TCF20: variants seen among roughly 807,000 people sequenced by gnomAD.
TCF20 encodes the protein transcription factor 20, also known as SPRE-binding protein.
In TCF20, 3 loss-of-function variants were observed where a neutral mutation model predicts 148.6. The ratio of observed to expected loss-of-function variants is 0.02; its 90% CI spans 0.01 to 0.05. TCF20 has a LOEUF of 0.05. TCF20 is among the 10% of genes least tolerant of loss of function. The probability of loss-of-function intolerance (pLI) is 1.00; values close to 1 mark genes in which losing one functional copy is unlikely to be tolerated. For missense variants in TCF20, 2,350 were observed against 2,429.3 expected (o/e 0.97, Z 0.69); for synonymous variants, 1,049 against 909.5 (o/e 1.15, Z -2.76).
At chr22:42,186,315 G>A (rs1447977123) in intron 2 of TCF20, among the ~76,000 whole-genome samples, 1 of 152,302 alleles carries the variant, frequency 6.6e-6, no homozygotes, top group East Asian at 1.9e-4. Flanking sequence ...TCTGTAAAAT[G>A]GGGATAACAG....
At chr22:42,170,512 A>T (rs962308481) in intron 3 of TCF20, among the ~76,000 whole-genome samples, 1 of 150,850 alleles carries the variant, frequency 6.6e-6, no homozygotes, top group Non-Finnish European at 1.5e-5. Flanking sequence ...AAAAAAAAAA[A>T]AACTACTTGG....
At position 42,248,183 on chromosome 22, in the gene TCF20, G is replaced by A. The variant is rs527512790; in HGVS notation, c.-37+22156C>T. 5.9e-5 allele frequency among the ~76,000 whole-genome samples: 9 copies of A among 152,330 alleles called. No homozygotes were observed. The South Asian group carries it at 6.2e-4, about 11-fold the overall frequency. On this transcript the variant is annotated intron_variant, in intron 1 of 5. Coordinates refer to ENST00000677622, the MANE Select transcript of TCF20 (RefSeq NM_001378418.1). ...GGAGAGAGCACGTACTCATGTGGGCGCTGCCTGGGCTCAGGTGGGCAGGGA... is the reference window on the plus strand; with the variant it reads ...GGAGAGAGCACGTACTCATGTGGGCACTGCCTGGGCTCAGGTGGGCAGGGA...
intron 1 of TCF20, among the ~76,000 whole-genome samples, chr22:42,237,538 T>C (rs1317665720): frequency 6.6e-6 from 1 of 152,206 alleles, no homozygotes; most frequent in Admixed American, 6.5e-5. Context: ...TCACAAATGT[T>C]CTTAATGGCA....
intron 1 of TCF20, among the ~76,000 whole-genome samples, chr22:42,220,849 C>T (rs985722837): frequency 2.6e-5 from 4 of 152,152 alleles, no homozygotes; most frequent in African/African-American, 9.7e-5. Flanking sequence ...AACATATAGC[C>T]ACTTTCTCCA....
At chr22:42,227,669 A>G (rs1440761878) in intron 1 of TCF20, among the ~76,000 whole-genome samples, 2 of 152,212 alleles carry the variant, frequency 1.3e-5, no homozygotes, top group African/African-American at 2.4e-5. Flanking sequence ...AATCTGGAAT[A>G]GTTCCCTTTT....
At chr22:42,265,261 C>CAA (rs1476933176) in intron 1 of TCF20, among the ~76,000 whole-genome samples, 1 of 152,178 alleles carries the variant, frequency 6.6e-6, no homozygotes, top group Non-Finnish European at 1.5e-5. Context: ...GCAATGTGAC[C>CAA]AAATTATGCT....
upstream of TCF20, among the ~76,000 whole-genome samples, chr22:42,273,387 A>C (rs1926695089): frequency 6.6e-6 from 1 of 150,648 alleles, no homozygotes; most frequent in African/African-American, 2.5e-5. Flanking sequence ...AAAAAAAAAA[A>C]ATTCAGTGCA....
In TCF20 at chr22:42,210,707, A is replaced by G. The variant is rs1257023404; in HGVS notation, c.4599T>C (p.Tyr1533=). Residue 1533 remains tyrosine, a synonymous_variant, in exon 2 of 6, where the codon TAT becomes TAC. Transcript: ENST00000677622. This position sits in a 1 kb window ranked among gnomAD's most constrained non-coding sequence, Gnocchi z 4.7. ...PKQEGFPPKG[Y]FPSGKKKGRP... ...TCCCCTTCTTCTTTCCTGATGGGAA[A>G]TATCCCTTTGGAGGGAAACCCTCTT... The G allele has an allele frequency of 6.8e-6, 11 of 1,614,048 alleles. No individual in the cohort carries two copies. The highest frequency in any genetic ancestry group is 1.6e-4 in the Middle Eastern group (1 of 6,084).
At position 42,214,536 on chromosome 22, in the gene TCF20, C is replaced by G. The variant is rs774654661; in HGVS notation, c.770G>C (p.Gly257Ala). Residue 257 changes from glycine to alanine, a missense_variant, in exon 2 of 6, where the codon GGA (glycine) becomes GCA (alanine). Physicochemically the swap from Gly to Ala is moderately conservative, Grantham distance 60 (BLOSUM62 0). Around this residue, in one of 7 missense-constraint regions of TCF20, gnomAD observed 1,641 missense variants for 1,662.6 expected, o/e 0.99. Transcript: ENST00000677622. ...FPSPQRFSQSGQSYDGSYNVN... is the reference protein window; with the variant it reads ...FPSPQRFSQSAQSYDGSYNVN... ...ATTGTAACTGCCATCATAGCTCTGT[C>G]CAGACTGGCTAAAACGCTGTGGTGA... 6.2e-7 allele frequency: 1 copy of G among 1,614,156 alleles called. No individual in the cohort carries two copies. The highest frequency in any genetic ancestry group is 2.2e-5 in the East Asian group (1 of 44,892).
At chr22:42,180,120 G>A (rs939012126) in intron 2 of TCF20, among the ~76,000 whole-genome samples, 1 of 152,052 alleles carries the variant, frequency 6.6e-6, no homozygotes, top group African/African-American at 2.4e-5. Flanking sequence ...GGTAAGAGAG[G>A]GTAAGGTAGT....
At chr22:42,226,310 G>A (rs567426150) in intron 1 of TCF20, among the ~76,000 whole-genome samples, 27 of 152,208 alleles carry the variant, frequency 1.8e-4, no homozygotes, top group Non-Finnish European at 3.4e-4. Flanking sequence ...TTCAAAGGTT[G>A]TATTAATACA....
Position 42,215,253 on chromosome 22 carries a change from G to A in TCF20, c.53C>T (p.Pro18Leu), listed in dbSNP as rs1275249255. The change falls in exon 2 of 6, where the codon CCA becomes CTA. Residue 18 changes from proline to leucine, a missense_variant. Pro to Leu is a moderately conservative substitution (Grantham distance 98, BLOSUM62 -3). Coordinates refer to ENST00000677622, the MANE Select transcript of TCF20 (RefSeq NM_001378418.1). ...SSYHGNQQSYPQEVHGSSRLE... is the reference protein window; with the variant it reads ...SSYHGNQQSYLQEVHGSSRLE... Reference sequence around the variant, plus strand: ...CCGGGATGAGCCGTGTACCTCCTGTGGGTAGCTTTGCTGGTTTCCGTGGTA... The same window carrying A: ...CCGGGATGAGCCGTGTACCTCCTGTAGGTAGCTTTGCTGGTTTCCGTGGTA... 2 of 1,614,054 alleles carry A rather than the reference G, an allele frequency of 1.2e-6. No individual in the cohort carries two copies. Among genetic ancestry groups the A allele is most frequent in the East Asian group, 2.2e-5 (1 of 44,898 alleles).
intron 1 of TCF20, among the ~76,000 whole-genome samples, chr22:42,335,819 G>A (rs1928057025): frequency 6.6e-6 from 1 of 152,066 alleles, no homozygotes; most frequent in South Asian, 2.1e-4. Flanking sequence ...GCTCTGGGGT[G>A]GGGGTGCCCC....
At chr22:42,249,039 G>A (rs1925147497) in intron 1 of TCF20, among the ~76,000 whole-genome samples, 1 of 152,198 alleles carries the variant, frequency 6.6e-6, no homozygotes. Flanking sequence ...CATCCAATCA[G>A]CCAGGAGCCC....
chr22:42,223,965 G>A (rs1601619372), intron 1 of TCF20, among the ~76,000 whole-genome samples: 1 of 152,256 alleles, frequency 6.6e-6, no homozygotes, highest in Non-Finnish European at 1.5e-5. Flanking sequence ...CTTCCTCCCT[G>A]ACTTGGGAGA....
chr22:42,300,835 C>G (rs946966013), intron 1 of TCF20, among the ~76,000 whole-genome samples: 5 of 152,158 alleles, frequency 3.3e-5, no homozygotes, highest in Non-Finnish European at 7.4e-5. Context: ...CCCTCCTCCC[C>G]CTGCCAAGAC....
chr22:42,215,404 T>C (rs1921659204), intron 1 of TCF20, 63 bp from the exon 2 acceptor site: 7 of 1,494,060 alleles, frequency 4.7e-6, no homozygotes, highest in Non-Finnish European at 6.2e-6. Context: ...AAATCAAGTC[T>C]AGATGATGGA....
upstream of TCF20, among the ~76,000 whole-genome samples, chr22:42,271,948 T>G (rs1185412439): frequency 6.8e-6 from 1 of 146,948 alleles, no homozygotes; most frequent in Non-Finnish European, 1.5e-5. Context: ...TTTCTCAGGC[T>G]ACCCAAGGAG....
chr22:42,242,225 A>AAAAAAAAAAAAAAG (rs1924494235), intron 1 of TCF20, among the ~76,000 whole-genome samples: 1 of 139,566 alleles, frequency 7.2e-6, no homozygotes, highest in African/African-American at 2.7e-5. Context: ...AAAAAAAAAA[A>AAAAAAAAAAAAAAG]AACAGAAAAG....
Sources: allele counts gnomAD v4.1 joint callset (sites outside exome capture counted in the v4.1 genomes callset), GRCh38; gene constraint gnomAD v4.1.1; regional missense constraint gnomAD v4.1.1; non-coding constraint Gnocchi (gnomAD v3.1); transcripts MANE v1.5; gene names NCBI Gene and HGNC (gene_info 2026-07-23, HGNC 2026-07-21).